The following ATXN7 variants were observed in gnomAD, a reference collection of about 807,000 sequenced individuals.
ATXN7 encodes the protein ataxin-7.
ATXN7 carries 12 observed loss-of-function variants against 70.5 expected under a neutral mutation model. The ratio of observed to expected loss-of-function variants is 0.17; its 90% CI spans 0.11 to 0.28. ATXN7 has a LOEUF of 0.28. Among genes scored for constraint, ATXN7 ranks in the 10% least tolerant of loss-of-function variants. ATXN7 has a pLI of 1.00. For synonymous variants in ATXN7, 498 were observed against 448.7 expected (o/e 1.11, Z -1.39); for missense variants, 1,256 against 1,131.7 (o/e 1.11, Z -1.58).
intron 4 of ATXN7, among the ~76,000 whole-genome samples, chr3:63,917,012 T>C (rs1248240282): frequency 1.3e-5 from 2 of 152,148 alleles, no homozygotes; most frequent in African/African-American, 4.8e-5. Flanking sequence ...TTCCGCTTCC[T>C]GGGTTCAAGC....
chr3:63,895,475 G>GT (rs1267249134), intron 1 of ATXN7, among the ~76,000 whole-genome samples: 1 of 146,414 alleles, frequency 6.8e-6, no homozygotes, highest in Non-Finnish European at 1.5e-5. Flanking sequence ...TTTAAAATAC[G>GT]TTTTTTTACT....
chr3:63,895,813 CTCTT>C (rs750250537), intron 1 of ATXN7, among the ~76,000 whole-genome samples: 1 of 151,984 alleles, frequency 6.6e-6, no homozygotes, highest in African/African-American at 2.4e-5. Flanking sequence ...GTCTCTCTCT[CTCTT>C]TCTTGTTTTT....
chr3:63,879,169 T>C (rs548007568), intron 1 of ATXN7, among the ~76,000 whole-genome samples: 5 of 152,216 alleles, frequency 3.3e-5, no homozygotes, highest in Non-Finnish European at 7.3e-5. Flanking sequence ...CTATTGATTA[T>C]GACTCAGTTC....
At chr3:63,956,629 A>T (rs946420329) in intron 5 of ATXN7, among the ~76,000 whole-genome samples, 3 of 152,058 alleles carry the variant, frequency 2.0e-5, no homozygotes, top group Non-Finnish European at 4.4e-5. Context: ...CATTCTAAAC[A>T]GCTCCCTGGG....
In ATXN7 at chr3:63,871,864, TA is replaced by T. The variant is rs141661643; in HGVS notation, c.-111+7716del. 2.7e-3 allele frequency among the ~76,000 whole-genome samples: 411 copies of T among 149,770 alleles called. 1 individual carries two copies. The highest frequency in any genetic ancestry group is 4.8e-3 in the African/African-American group (196 of 40,904). ...TTATAATCTGGTTTGTTTTTAAATT[TA>T]AAAAAAAAACAGATTATAATTTAAT... On this transcript the variant is annotated intron_variant, in intron 1 of 12. Transcript: ENST00000674280.
intron 5 of ATXN7, 58 bp from the exon 6 acceptor site, chr3:63,979,857 A>C: frequency 6.2e-7 from 1 of 1,600,512 alleles, no homozygotes; most frequent in Non-Finnish European, 8.5e-7. Flanking sequence ...TTCTTCCAGA[A>C]TTACATTTGA....
Position 63,993,471 on chromosome 3 carries a change from C to T in ATXN7, c.1683-2034C>T, listed in dbSNP as rs190222368. ...CGTCTCAAAAAAAAAAAAAGAAAAA[C>T]GAGTATAAAGAGGCATACATTGAAA... On this transcript the variant is annotated intron_variant, in intron 11 of 12. Coordinates refer to ENST00000674280, the MANE Select transcript of ATXN7 (RefSeq NM_001377405.1). Among the ~76,000 whole-genome samples, 580 of 150,904 alleles carry T rather than the reference C, an allele frequency of 3.8e-3. 4 individuals carry two copies. Among genetic ancestry groups the T allele is most frequent in the Non-Finnish European group, 4.8e-3 (327 of 67,712 alleles).
rs935007459 is a variant in ATXN7 at position 64,000,388 on chromosome 3, A to G, written c.*921A>G. On this transcript the variant is annotated 3_prime_UTR_variant, in exon 13 of 13. Coordinates refer to ENST00000674280, the MANE Select transcript of ATXN7 (RefSeq NM_001377405.1). ...CTTAATCCTTTTAAGTTTTCATAGT[A>G]AACAGTATGGCAGATTGGGTTGGTT... is the stretch of plus-strand genomic sequence containing the variant. 2.0e-5 allele frequency: 3 copies of G among 152,732 alleles called. No homozygotes were observed. The highest frequency in any genetic ancestry group is 1.9e-4 in the East Asian group (1 of 5,178). The allele number at this position is 152,732 out of a possible 1,614,324, so 9.5% of individuals were successfully genotyped here.
intron 1 of ATXN7, among the ~76,000 whole-genome samples, chr3:63,876,407 C>T (rs1002642843): frequency 6.6e-6 from 1 of 151,932 alleles, no homozygotes; most frequent in Non-Finnish European, 1.5e-5. Context: ...ATTTGCAGAT[C>T]GAAGTTAGAA....
chr3:63,904,646 A>G (rs1703772070), intron 2 of ATXN7: 1 of 152,218 alleles, frequency 6.6e-6, no homozygotes, highest in African/African-American at 2.4e-5. Context: ...GTTGATGTAC[A>G]TATGGGTTGT....
At chr3:63,907,584 G>A (rs1172561406) in intron 2 of ATXN7, among the ~76,000 whole-genome samples, 1 of 147,844 alleles carries the variant, frequency 6.8e-6, no homozygotes, top group South Asian at 2.2e-4. Flanking sequence ...TCAGCCTCCC[G>A]AGTAGCTGGG....
intron 2 of ATXN7, chr3:63,904,020 T>C (rs184939025): frequency 1.3e-5 from 2 of 152,312 alleles, no homozygotes; most frequent in East Asian, 3.9e-4. Flanking sequence ...GTATAACTGT[T>C]TCTTCTATCT....
intron 4 of ATXN7, among the ~76,000 whole-genome samples, chr3:63,918,060 G>A (rs1054898823): frequency 4.6e-5 from 7 of 152,174 alleles, no homozygotes; most frequent in African/African-American, 1.7e-4. Context: ...TAGCAACCCA[G>A]TGTGATGTCC....
At chr3:63,973,491 C>T (rs1222720305) in intron 5 of ATXN7, among the ~76,000 whole-genome samples, 2 of 152,118 alleles carry the variant, frequency 1.3e-5, no homozygotes, top group Non-Finnish European at 2.9e-5. Context: ...TTGGCACATT[C>T]TGTCACAGTT....
At chr3:63,991,931 A>G (rs147083734) in intron 11 of ATXN7, among the ~76,000 whole-genome samples, 2,183 of 152,298 alleles carry the variant, frequency 0.014, 25 homozygotes, top group Middle Eastern at 0.034. Flanking sequence ...ATAATGTGGA[A>G]CATGTCCCAA....
At chr3:63,890,903 C>T (rs1375524711) in intron 1 of ATXN7, among the ~76,000 whole-genome samples, 1 of 152,152 alleles carries the variant, frequency 6.6e-6, no homozygotes, top group Non-Finnish European at 1.5e-5. Context: ...TCCATTTGAC[C>T]AACAGAGGGT....
In ATXN7 at chr3:63,999,456, G is replaced by GC. The variant is rs1427594422; in HGVS notation, c.2669dup (p.Arg891ThrfsTer34). ...ACCCCCTCTTTTTTGAAAGCCAAAG[G>GC]CACGTCCCTGACAGCTGAAAATAGC... is the stretch of plus-strand genomic sequence containing the variant. On this transcript the variant is annotated frameshift_variant, in exon 13 of 13. Coordinates refer to ENST00000674280, the MANE Select transcript of ATXN7 (RefSeq NM_001377405.1). LOFTEE classifies it high-confidence loss of function. 1.2e-6 allele frequency: 2 copies of GC among 1,613,778 alleles called. No homozygotes were observed. The highest frequency in any genetic ancestry group is 1.3e-5 in the African/African-American group (1 of 74,894).
intron 1 of ATXN7, among the ~76,000 whole-genome samples, chr3:63,873,526 G>C (rs760764575): frequency 2.6e-4 from 39 of 152,208 alleles, no homozygotes; most frequent in Non-Finnish European, 2.2e-4. Flanking sequence ...CTTTAGGGGA[G>C]TTGTCATTCC....
chr3:63,995,985 T>TTCC lies in ATXN7; in HGVS notation c.2175_2177dup (p.Ser728dup), dbSNP rs750825743. ...TGTTGGTTCACTCTTCCTCCTCCTC[T>TTCC]TCCTCCTCCTCCTCTTCTTCTCATT... On this transcript the variant is annotated inframe_insertion, in exon 12 of 13. Transcript: ENST00000674280. 5 of 1,613,840 alleles carry TTCC rather than the reference T, an allele frequency of 3.1e-6. No homozygotes were observed. Among genetic ancestry groups the TTCC allele is most frequent in the Admixed American group, 1.7e-5 (1 of 60,004 alleles).
Sources: gnomAD v4.1 joint callset for allele counts (sites outside exome capture counted in the v4.1 genomes callset) on GRCh38, gnomAD v4.1.1 for gene constraint, MANE v1.5 for transcripts, NCBI Gene and HGNC (gene_info 2026-07-23, HGNC 2026-07-21) for gene names.